Variants in ARHGAP44 observed in about 807,000 individuals in gnomAD.
The protein encoded by ARHGAP44 is Rho GTPase activating protein 44, also known as rho GTPase-activating protein 44.
ARHGAP44 carries 43 observed loss-of-function variants against 106.8 expected under a neutral mutation model. The ratio of observed to expected loss-of-function variants is 0.40; its 90% CI spans 0.32 to 0.52. ARHGAP44 has a LOEUF of 0.52. Among genes scored for constraint, ARHGAP44 ranks in the 20% least tolerant of loss-of-function variants. The pLI, the probability that ARHGAP44 is intolerant of heterozygous loss-of-function variation, is 0.48. For missense variants in ARHGAP44, 866 were observed against 1,050.5 expected, an observed-to-expected ratio of 0.82 and a Z score of 2.43; for synonymous variants, 439 against 410.3, an observed-to-expected ratio of 1.07 and a Z score of -0.85.
rs1258539932 is a variant in ARHGAP44 at position 12,842,356 on chromosome 17, G to A, written c.53+52465G>A. On this transcript the variant is annotated intron_variant, in intron 1 of 20. Transcript: ENST00000379672. Reference sequence around the variant, plus strand: ...TGCTTGAGACCAGGAGGTCGAGGCTGTGGTGAGCCATGATCATGCCACTGC... The same window carrying A: ...TGCTTGAGACCAGGAGGTCGAGGCTATGGTGAGCCATGATCATGCCACTGC... Among the ~76,000 whole-genome samples, 9 of 148,590 alleles carry A rather than the reference G, an allele frequency of 6.1e-5. No individual in the cohort carries two copies. In the Admixed American group the frequency reaches 6.1e-4, roughly 10 times the overall value.
At chr17:12,886,411 G>A (rs1245971392) in intron 1 of ARHGAP44, among the ~76,000 whole-genome samples, 2 of 152,036 alleles carry the variant, frequency 1.3e-5, no homozygotes, top group Non-Finnish European at 2.9e-5. Context: ...GATCAGTTTG[G>A]GGAGAAGTGA....
rs762077923 is a variant in ARHGAP44 at position 12,958,819 on chromosome 17, G to A, written c.1445G>A (p.Arg482Gln). ...TCCCCAGACATGGACCCTGCTGACC[G>A]GCGCCAGCCCGAGCAGGCCCGCCGG... ...MPSPDMDPAD[R>Q]RQPEQARRPL... Residue 482 changes from arginine to glutamine, a missense_variant, in exon 16 of 21, where the codon CGG becomes CAG. Coordinates refer to ENST00000379672, the MANE Select transcript of ARHGAP44 (RefSeq NM_014859.6). The surrounding 1 kb of genome is among the most constrained non-coding windows in gnomAD (Gnocchi z 4.1). 10 of 1,604,574 alleles carry A rather than the reference G, an allele frequency of 6.2e-6. No individual in the cohort carries two copies. The highest frequency in any genetic ancestry group is 5.3e-5 in the African/African-American group (4 of 74,800).
At position 12,990,113 on chromosome 17, in the gene ARHGAP44, G is replaced by A. The variant is rs752764904; in HGVS notation, c.2399G>A (p.Arg800Gln). ...CTGAGTCCCCTGGAGCACATGCGGC[G>A]ACACTCAGTAACTGACAAGAGGGAC... ...LRLSPLEHMR[R>Q]HSVTDKRDSE... Residue 800 changes from arginine to glutamine, a missense_variant, in exon 21 of 21, where the codon CGA becomes CAA. This residue lies in a region of ARHGAP44 where 418 missense variants were observed against 403.6 expected (regional missense o/e 1.04). Transcript: ENST00000379672. 4.5e-5 allele frequency: 72 copies of A among 1,613,340 alleles called. No homozygotes were observed. The highest frequency in any genetic ancestry group is 3.3e-4 in the Middle Eastern group (2 of 6,082).
intron 1 of ARHGAP44, among the ~76,000 whole-genome samples, chr17:12,852,548 G>GTT (rs111855586): frequency 0.022 from 3,082 of 139,072 alleles, 108 homozygotes; most frequent in African/African-American, 0.076. Flanking sequence ...TGTTTGCTGT[G>GTT]TTTTTTTTTT....
At chr17:12,912,138 G>T (rs1204588021) in intron 4 of ARHGAP44, among the ~76,000 whole-genome samples, 1 of 152,206 alleles carries the variant, frequency 6.6e-6, no homozygotes, top group African/African-American at 2.4e-5. Context: ...AACAGATTGT[G>T]TAGGGGAGGA....
chr17:12,907,147 G>T (rs1209012049), intron 3 of ARHGAP44, among the ~76,000 whole-genome samples: 1 of 152,166 alleles, frequency 6.6e-6, no homozygotes, highest in Non-Finnish European at 1.5e-5. Flanking sequence ...GTGTAGTTCA[G>T]TCACTTTCTT....
At chr17:12,863,022 T>C (rs1462492911) in intron 1 of ARHGAP44, among the ~76,000 whole-genome samples, 2 of 151,556 alleles carry the variant, frequency 1.3e-5, no homozygotes, top group Non-Finnish European at 2.9e-5. Context: ...GCACAATGTC[T>C]CATGGCTATA....
At chr17:12,817,122 G>C (rs993775126) in intron 1 of ARHGAP44, among the ~76,000 whole-genome samples, 5 of 151,986 alleles carry the variant, frequency 3.3e-5, no homozygotes, top group African/African-American at 1.2e-4. Context: ...AAGATAACTA[G>C]GAAACCCCAA....
At chr17:12,893,449 C>T (rs2037108052) in intron 1 of ARHGAP44, among the ~76,000 whole-genome samples, 2 of 152,190 alleles carry the variant, frequency 1.3e-5, no homozygotes, top group African/African-American at 4.8e-5. Flanking sequence ...TTCGTTATCA[C>T]CACATGGGCG....
At chr17:12,827,727 T>A (rs1411601010) in intron 1 of ARHGAP44, among the ~76,000 whole-genome samples, 1 of 152,040 alleles carries the variant, frequency 6.6e-6, no homozygotes, top group Non-Finnish European at 1.5e-5. Context: ...TATTTTATAG[T>A]TGGGTTTGAC....
chr17:12,991,119 G>C lies in ARHGAP44; in HGVS notation c.*948G>C, dbSNP rs2040126777. ...CTGGCCCACGGGCTCGGCCTGCGGTGTGGCCTGCTTTGCTCACCAGCGTCA... is the reference window on the plus strand; with the variant it reads ...CTGGCCCACGGGCTCGGCCTGCGGTCTGGCCTGCTTTGCTCACCAGCGTCA... On this transcript the variant is annotated 3_prime_UTR_variant, in exon 21 of 21. Coordinates refer to ENST00000379672, the MANE Select transcript of ARHGAP44 (RefSeq NM_014859.6). The C allele has an allele frequency of 6.6e-6, 1 of 152,610 alleles. No individual in the cohort carries two copies. Among genetic ancestry groups the C allele is most frequent in the South Asian group, 2.1e-4 (1 of 4,836 alleles). The allele number at this position is 152,610 out of a possible 1,614,324, so 9.5% of individuals were successfully genotyped here.
At chr17:12,856,601 T>A (rs1277593290) in intron 1 of ARHGAP44, among the ~76,000 whole-genome samples, 1 of 152,162 alleles carries the variant, frequency 6.6e-6, no homozygotes, top group Non-Finnish European at 1.5e-5. Context: ...ATTTCTAAAC[T>A]TTTGAAAGGC....
chr17:12,926,365 A>G (rs76339178), intron 6 of ARHGAP44, among the ~76,000 whole-genome samples: 1 of 146,648 alleles, frequency 6.8e-6, no homozygotes, highest in East Asian at 2.0e-4. Flanking sequence ...ACTTGATATG[A>G]AAAAAAAATT....
At chr17:12,851,332 T>A (rs3785728) in intron 1 of ARHGAP44, among the ~76,000 whole-genome samples, 1 of 152,034 alleles carries the variant, frequency 6.6e-6, no homozygotes, top group Non-Finnish European at 1.5e-5. Context: ...TTGAAAAAAA[T>A]CAGAGGCTTA....
chr17:12,865,528 G>A (rs559485362), intron 1 of ARHGAP44, among the ~76,000 whole-genome samples: 61 of 152,240 alleles, frequency 4.0e-4, no homozygotes, highest in Middle Eastern at 3.4e-3. Flanking sequence ...GGTGGCTCAC[G>A]CCTGTAATCC....
chr17:12,825,416 T>TTGTG (rs35243771), intron 1 of ARHGAP44, among the ~76,000 whole-genome samples: 2,938 of 148,154 alleles, frequency 0.02, 93 homozygotes, highest in African/African-American at 0.066. Flanking sequence ...AGGAGTGTGT[T>TTGTG]TGTGTGTGTG....
chr17:12,947,770 GA>G (rs1198077948), intron 10 of ARHGAP44, among the ~76,000 whole-genome samples: 1 of 152,184 alleles, frequency 6.6e-6, no homozygotes, highest in Non-Finnish European at 1.5e-5. Flanking sequence ...ATGAAGATCT[GA>G]GTGACTCCTT....
rs751887610 is a variant in ARHGAP44 at position 12,872,017 on chromosome 17, C to T, written c.54-22923C>T. ...TGTGAGAAAGGACAAATACACATCCCCTTCTCTGTGGATCCAATATCAAGA... is the reference window on the plus strand; with the variant it reads ...TGTGAGAAAGGACAAATACACATCCTCTTCTCTGTGGATCCAATATCAAGA... On this transcript the variant is annotated intron_variant, in intron 1 of 20. Coordinates refer to ENST00000379672, the MANE Select transcript of ARHGAP44 (RefSeq NM_014859.6). 3.7e-4 allele frequency among the ~76,000 whole-genome samples: 56 copies of T among 152,288 alleles called. 1 individual carries two copies. The highest frequency in any genetic ancestry group is 1.3e-3 in the African/African-American group (54 of 41,560).
chr17:12,803,136 G>C (rs1358509098), intron 1 of ARHGAP44, among the ~76,000 whole-genome samples: 1 of 150,430 alleles, frequency 6.6e-6, no homozygotes, highest in Admixed American at 6.6e-5. Context: ...CCAGGCGCCT[G>C]TATTTTTGTA....
Sources: allele counts gnomAD v4.1 joint callset (sites outside exome capture counted in the v4.1 genomes callset), GRCh38; gene constraint gnomAD v4.1.1; regional missense constraint gnomAD v4.1.1; non-coding constraint Gnocchi (gnomAD v3.1); transcripts MANE v1.5; gene names NCBI Gene and HGNC (gene_info 2026-07-23, HGNC 2026-07-21).